CHD4: variants seen among roughly 807,000 people sequenced by gnomAD.
CHD4 encodes chromodomain helicase DNA binding protein 4.
CHD4 carries 35 observed loss-of-function variants against 235.5 expected under a neutral mutation model. The ratio of observed to expected loss-of-function variants is 0.15; its 90% CI spans 0.11 to 0.20. The LOEUF (loss-of-function observed/expected upper bound fraction) is 0.20. Ranked by LOEUF, CHD4 falls within the 10% of genes least tolerant of loss-of-function variation. The pLI, the probability that CHD4 is intolerant of heterozygous loss-of-function variation, is 1.00. For synonymous variants in CHD4, 900 were observed against 850.2 expected, an observed-to-expected ratio of 1.06 and a Z score of -1.02; for missense variants, 1,329 against 2,432.3, an observed-to-expected ratio of 0.55 and a Z score of 9.54.
Position 6,570,394 on chromosome 12 carries a change from T to TG in CHD4, c.*281dup. On this transcript the variant is annotated 3_prime_UTR_variant, in exon 40 of 40. Transcript: ENST00000544040. ...CCTGGCAGGAACCCACAACAGTTTGTGTGTAACAGGCGTTACAGTGGGGAG... is the reference window on the plus strand; with the variant it reads ...CCTGGCAGGAACCCACAACAGTTTGTGGTGTAACAGGCGTTACAGTGGGGAG... 2.1e-6 allele frequency: 1 copy of TG among 482,502 alleles called. No homozygotes were observed. Among genetic ancestry groups the TG allele is most frequent in the Non-Finnish European group, 3.7e-6 (1 of 271,170 alleles). 29.9% of individuals were successfully genotyped at this position (482,502 alleles called of 1,614,324 possible).
intron 2 of CHD4, among the ~76,000 whole-genome samples, chr12:6,604,763 G>T (rs1948661273): frequency 6.6e-6 from 1 of 152,174 alleles, no homozygotes; most frequent in African/African-American, 2.4e-5. Flanking sequence ...GACAGGAATG[G>T]GGTGTGGCAA....
At chr12:6,575,160 A>C (rs1455502876) in intron 37 of CHD4, among the ~76,000 whole-genome samples, 1 of 152,166 alleles carries the variant, frequency 6.6e-6, no homozygotes, top group Non-Finnish European at 1.5e-5. Flanking sequence ...TTAATAGAAA[A>C]GGTGTGGTTG....
chr12:6,578,952 AG>A lies in CHD4; in HGVS notation c.4910-36del, dbSNP rs1383073187. 5.7e-6 allele frequency: 9 copies of A among 1,582,094 alleles called. No homozygotes were observed. In the African/African-American group the frequency reaches 1.2e-4, roughly 21 times the overall value. On this transcript the variant is annotated intron_variant, in intron 33 of 39. Transcript: ENST00000544040. ...GAAATGTTATTGAGACTATACCTAA[AG>A]GAAGAACATTCTCCTCTGTTGCACA... is the stretch of plus-strand genomic sequence containing the variant.
Position 6,577,866 on chromosome 12 carries a change from G to A in CHD4, c.5280C>T (p.Ile1760=), listed in dbSNP as rs764421286. 2 of 1,614,204 alleles carry A rather than the reference G, an allele frequency of 1.2e-6. No individual in the cohort carries two copies. The highest frequency in any genetic ancestry group is 4.5e-5 in the East Asian group (2 of 44,894). ...QDIQNDPRYA[I]LNEPFKGEMN... ...TTTCACCCTTGAAAGGCTCATTGAG[G>A]ATGGCATAGCGTGGGTCATTCTGGA... The change falls in exon 37 of 40, where the codon ATC becomes ATT. Residue 1760 remains isoleucine, a synonymous_variant. Coordinates refer to ENST00000544040, the MANE Select transcript of CHD4 (RefSeq NM_001273.5).
chr12:6,603,936 T>C (rs1282167477), intron 2 of CHD4, among the ~76,000 whole-genome samples: 3 of 151,948 alleles, frequency 2.0e-5, no homozygotes, highest in African/African-American at 4.8e-5. Flanking sequence ...ATCCAACATA[T>C]GGGAATGTCT....
chr12:6,600,126 G>GCATTTC, intron 9 of CHD4, 91 bp downstream of exon 9: 1 of 1,564,424 alleles, frequency 6.4e-7, no homozygotes, highest in Non-Finnish European at 8.7e-7. Context: ...CGCAGCACCA[G>GCATTTC]CATTTCCATT....
chr12:6,606,478 A>G (rs537751779), intron 1 of CHD4, 27 bp from the exon 2 acceptor site: 11 of 604,402 alleles, frequency 1.8e-5, no homozygotes, highest in Admixed American at 1.5e-4. Flanking sequence ...GGAGAAACAC[A>G]GAACAGTCAG....
intron 2 of CHD4, among the ~76,000 whole-genome samples, chr12:6,604,391 T>C (rs1196077089): frequency 6.6e-6 from 1 of 152,160 alleles, no homozygotes; most frequent in East Asian, 1.9e-4. Context: ...AGACAGATAC[T>C]AGGGAATGAG....
chr12:6,594,007 G>A (rs1454110580), intron 15 of CHD4, among the ~76,000 whole-genome samples: 4 of 152,082 alleles, frequency 2.6e-5, no homozygotes, highest in African/African-American at 7.2e-5. Flanking sequence ...GGCTAATTTT[G>A]TATTTTTAGT....
rs1385809894 is a variant in CHD4, at chr12:6,581,303, C to T, written c.4767G>A (p.Glu1589=). ...CCCCATCTCTTACCTCAATGGCAGT[C>T]TCAGGGGCTGTAGATTTAACCTCCT... ...GEKEVKSTAP[E]TAIECTQAPA... is the part of the protein sequence containing the mutation. The change falls in exon 32 of 40, where the codon GAG becomes GAA. Residue 1589 remains glutamate (E), a synonymous_variant. Coordinates refer to ENST00000544040, the MANE Select transcript of CHD4 (RefSeq NM_001273.5). 1.2e-6 allele frequency: 2 copies of T among 1,614,164 alleles called. No individual in the cohort carries two copies. The highest frequency in any genetic ancestry group is 3.3e-5 in the Admixed American group (2 of 60,010).
intron 2 of CHD4, among the ~76,000 whole-genome samples, chr12:6,603,494 G>A (rs1018342925): frequency 2.0e-5 from 3 of 149,078 alleles, no homozygotes; most frequent in Non-Finnish European, 3.0e-5. Flanking sequence ...GCCAGCCCAG[G>A]GCACCCAGCT....
chr12:6,578,687 G>T, intron 34 of CHD4, 141 bp from the exon 35 acceptor site: 1 of 1,416,330 alleles, frequency 7.1e-7, no homozygotes. Flanking sequence ...AGAAAATGGT[G>T]CCATTGGCCC....
chr12:6,585,089 A>C (rs770534425), intron 25 of CHD4, among the ~76,000 whole-genome samples: 1 of 152,228 alleles, frequency 6.6e-6, no homozygotes, highest in African/African-American at 2.4e-5. Flanking sequence ...ACCAGAACCA[A>C]TGCCAACTGA....
At position 6,600,010 on chromosome 12, in the gene CHD4, C is replaced by T; in HGVS notation, c.1245G>A (p.Glu415=). 1.2e-6 allele frequency: 2 copies of T among 1,614,114 alleles called. No individual in the cohort carries two copies. The highest frequency in any genetic ancestry group is 1.7e-6 in the Non-Finnish European group (2 of 1,179,954). Residue 415 remains glutamate (E), a splice_region_variant and synonymous_variant, in exon 10 of 40, where the codon GAG becomes GAA. Coordinates refer to ENST00000544040, the MANE Select transcript of CHD4 (RefSeq NM_001273.5). ...TAGCTTCCCACTGGATGCCTTCCTT[C>T]TCCTGCAGTAAAGGACCACAGATTC... The part of the protein sequence containing the change: ...PEGKWSCPHC[E]KEGIQWEAKE...
rs1948613284 is a variant in CHD4, at chr12:6,602,426, T to C, written c.172A>G (p.Lys58Glu). ...GGGATTTTAGGGTCCCGAGGTTTCT[T>C]AGGCTTTTTCTTCTTCTTGAGCTTT... ...TPKLKKKKKPKKPRDPKIPKS... is the reference protein window; with the variant it reads ...TPKLKKKKKPEKPRDPKIPKS... Residue 58 changes from lysine to glutamate, a missense_variant, in exon 3 of 40, where the codon AAG (lysine) becomes GAG (glutamate). By Grantham distance (56) the Lys-to-Glu change is moderately conservative. Coordinates refer to ENST00000544040, the MANE Select transcript of CHD4 (RefSeq NM_001273.5). 3 of 1,614,064 alleles carry C rather than the reference T, an allele frequency of 1.9e-6. No homozygotes were observed. Among genetic ancestry groups the C allele is most frequent in the African/African-American group, 1.3e-5 (1 of 74,930 alleles).
chr12:6,601,172 G>C, intron 6 of CHD4, 117 bp downstream of exon 6: 1 of 1,528,172 alleles, frequency 6.5e-7, no homozygotes, highest in Non-Finnish European at 8.8e-7. Context: ...CAAAATCCAA[G>C]ACTCATTCCT....
intron 1 of CHD4, 176 bp from the exon 2 acceptor site, chr12:6,606,627 G>A: frequency 2.6e-6 from 1 of 384,068 alleles, no homozygotes; most frequent in South Asian, 5.4e-5. Context: ...CGGCTCCCCG[G>A]CAGGCGCCCC....
In CHD4 at chr12:6,601,380, C is replaced by A. The variant is rs769054925; in HGVS notation, c.708G>T (p.Val236=). 1.2e-6 allele frequency: 2 copies of A among 1,614,158 alleles called. No individual in the cohort carries two copies. The highest frequency in any genetic ancestry group is 1.7e-6 in the Non-Finnish European group (2 of 1,180,030). ...CAGTGGCTGTCACCATGCTCTCCAC[C>A]ACAGCTACCGCTGCTGCTGCCGCAG... ...VAAAAAAAVA[V]VESMVTATEV... is the part of the protein sequence containing the mutation. The change falls in exon 6 of 40, where the codon GTG becomes GTT. Residue 236 remains valine, a synonymous_variant. Transcript: ENST00000544040.
chr12:6,600,266 T>C lies in CHD4; in HGVS notation c.1193A>G (p.Asp398Gly). Residue 398 changes from aspartate to glycine, a missense_variant, in exon 9 of 40, where the codon GAT (aspartate) becomes GGT (glycine). Asp to Gly is a moderately conservative substitution (Grantham distance 94). Coordinates refer to ENST00000544040, the MANE Select transcript of CHD4 (RefSeq NM_001273.5). ...CPRAYHMVCL[D>G]PDMEKAPEGK... is the part of the protein sequence containing the mutation. ...CTCGGGAGCCTTCTCCATGTCGGGA[T>C]CCAGGCAGACCATGTGGTAAGCACG... is the stretch of plus-strand genomic sequence containing the variant. The C allele has an allele frequency of 6.2e-7, 1 of 1,614,152 alleles. No homozygotes were observed. The highest frequency in any genetic ancestry group is 8.5e-7 in the Non-Finnish European group (1 of 1,180,034).
Sources: allele counts gnomAD v4.1 joint callset (sites outside exome capture counted in the v4.1 genomes callset), GRCh38; gene constraint gnomAD v4.1.1; transcripts MANE v1.5; gene names NCBI Gene and HGNC (gene_info 2026-07-23, HGNC 2026-07-21).